Variants in CHSY3 observed in about 807,000 individuals in gnomAD.
CHSY3 encodes N-acetylgalactosaminyl-proteoglycan 3-beta-glucuronosyltransferase 3.
A neutral mutation model predicts 67.2 loss-of-function variants in CHSY3; 35 were observed. The observed-to-expected ratio is 0.52, with a 90% CI of 0.40 to 0.69. CHSY3 has a LOEUF of 0.69. Among genes scored for constraint, CHSY3 ranks in the 30% least tolerant of loss-of-function variants. The pLI is 0.00. For synonymous variants in CHSY3, 474 were observed against 434.7 expected (o/e 1.09, Z -1.12); for missense variants, 1,069 against 1,138.5 (o/e 0.94, Z 0.88).
At chr5:129,995,755 A>G (rs10066578) in intron 2 of CHSY3, among the ~76,000 whole-genome samples, 77,868 of 151,698 alleles carry the variant, frequency 0.51, 20,665 homozygotes, top group Non-Finnish European at 0.59. Context: ...TCTGGTTCCA[A>G]ACCATCTGTA....
intron 2 of CHSY3, among the ~76,000 whole-genome samples, chr5:130,146,835 C>T (rs981905607): frequency 1.3e-5 from 2 of 151,690 alleles, no homozygotes; most frequent in African/African-American, 4.8e-5. Context: ...TTCTTTTTGC[C>T]CAGGCTGGAG....
At chr5:130,126,749 T>C (rs1768304599) in intron 2 of CHSY3, among the ~76,000 whole-genome samples, 1 of 152,238 alleles carries the variant, frequency 6.6e-6, no homozygotes, top group South Asian at 2.1e-4. Flanking sequence ...GTAGCATGAC[T>C]ATATAATATC....
intron 2 of CHSY3, among the ~76,000 whole-genome samples, chr5:130,119,927 T>C (rs960238245): frequency 6.6e-6 from 1 of 152,174 alleles, no homozygotes; most frequent in Non-Finnish European, 1.5e-5. Flanking sequence ...ATTTATTTCA[T>C]TCGCTAAAAA....
chr5:130,016,946 A>G (rs1271030800), intron 2 of CHSY3, among the ~76,000 whole-genome samples: 2 of 152,100 alleles, frequency 1.3e-5, no homozygotes, highest in African/African-American at 4.8e-5. Flanking sequence ...CATTAGGAAA[A>G]TGGGTCTTGA....
Position 130,031,112 on chromosome 5 carries a change from ATAAG to A in CHSY3, c.1086+122756_1086+122759del, listed in dbSNP as rs1437036291. Among the ~76,000 whole-genome samples, 17 of 151,484 alleles carry A rather than the reference ATAAG, an allele frequency of 1.1e-4. No homozygotes were observed. In the East Asian group the frequency reaches 1.4e-3, roughly 12 times the overall value. On this transcript the variant is annotated intron_variant, in intron 2 of 2. Coordinates refer to ENST00000305031, the MANE Select transcript of CHSY3 (RefSeq NM_175856.5). ...TCCGAGTGGTATGAAAAATAAATAA[ATAAG>A]TAAATAAATAAAACAAAATGGAATT...
At position 130,137,170 on chromosome 5, in the gene CHSY3, T is replaced by C. The variant is rs141370258; in HGVS notation, c.1087-47059T>C. ...AATAGGGATGAAAGAAAATTAGATTTCCTAGATGTTTTGTAGGTTCTGTTT... is the reference window on the plus strand; with the variant it reads ...AATAGGGATGAAAGAAAATTAGATTCCCTAGATGTTTTGTAGGTTCTGTTT... On this transcript the variant is annotated intron_variant, in intron 2 of 2. Transcript: ENST00000305031. Among the ~76,000 whole-genome samples the C allele has an allele frequency of 9.3e-3, 1,415 of 152,334 alleles. 27 individuals carry two copies. Among genetic ancestry groups the C allele is most frequent in the African/African-American group, 0.033 (1,353 of 41,572 alleles).
chr5:129,998,808 C>A lies in CHSY3; in HGVS notation c.1086+90448C>A, dbSNP rs139044643. On this transcript the variant is annotated intron_variant, in intron 2 of 2. Coordinates refer to ENST00000305031, the MANE Select transcript of CHSY3 (RefSeq NM_175856.5). ...ATTTGTAGGAATATCTCATTCAGTA[C>A]AGAAATTTGCTCTCTTTGTGCCATA... Among the ~76,000 whole-genome samples the A allele has an allele frequency of 1.2e-3, 187 of 152,064 alleles. 3 individuals carry two copies. Among genetic ancestry groups the A allele is most frequent in the Middle Eastern group, 6.8e-3 (2 of 294 alleles).
At chr5:130,132,609 A>G (rs1768519936) in intron 2 of CHSY3, among the ~76,000 whole-genome samples, 2 of 152,186 alleles carry the variant, frequency 1.3e-5, no homozygotes, top group Admixed American at 6.6e-5. Context: ...TGTTTTAGCA[A>G]CTGGATCTGA....
At chr5:130,125,007 A>G (rs1172697596) in intron 2 of CHSY3, among the ~76,000 whole-genome samples, 1 of 152,186 alleles carries the variant, frequency 6.6e-6, no homozygotes, top group African/African-American at 2.4e-5. Context: ...TTGGCCGGGT[A>G]TGATGGCTCA....
In CHSY3 at chr5:130,184,321, T is replaced by C. The variant is rs770373198; in HGVS notation, c.1179T>C (p.Leu393=). 1 of 1,614,016 alleles carries C rather than the reference T, an allele frequency of 6.2e-7. No homozygotes were observed. Residue 393 remains leucine (L), a synonymous_variant, in exon 3 of 3, where the codon CTT becomes CTC. Transcript: ENST00000305031. ...HNSKIHAAIT[L]HPNKRPAYQY... ...GCAAAATCCATGCAGCCATAACACT[T>C]CATCCCAACAAAAGGCCTGCATACC...
intron 2 of CHSY3, among the ~76,000 whole-genome samples, chr5:130,003,030 C>G (rs1402143396): frequency 6.6e-6 from 1 of 152,194 alleles, no homozygotes; most frequent in Non-Finnish European, 1.5e-5. Flanking sequence ...GTTATCAGGA[C>G]TTCTCAGATG....
intron 2 of CHSY3, among the ~76,000 whole-genome samples, chr5:130,018,953 G>A (rs1028468451): frequency 1.3e-5 from 2 of 152,028 alleles, no homozygotes; most frequent in Admixed American, 6.6e-5. Context: ...ATGTGTGCCC[G>A]CTTCCCCTCG....
intron 2 of CHSY3, among the ~76,000 whole-genome samples, chr5:130,050,250 C>G (rs1765293974): frequency 6.6e-6 from 1 of 152,060 alleles, no homozygotes; most frequent in Admixed American, 6.6e-5. Flanking sequence ...TCTTCTATCT[C>G]ACGTTAAAAG....
At chr5:130,042,830 C>G (rs2431193) in intron 2 of CHSY3, among the ~76,000 whole-genome samples, 78,786 of 151,736 alleles carry the variant, frequency 0.52, 21,170 homozygotes, top group East Asian at 0.67. Flanking sequence ...GCTTGTTATC[C>G]TGGTACGTAT....
intron 2 of CHSY3, among the ~76,000 whole-genome samples, chr5:130,143,730 GTGTGTATATATATATA>G (rs1477880349): frequency 9.6e-6 from 1 of 104,546 alleles, no homozygotes; most frequent in Admixed American, 1.0e-4. Context: ...ATGTGTGTGT[GTGTGTATATATATATA>G]TATATATATA....
intron 2 of CHSY3, chr5:130,140,596 A>G (rs1768830675): frequency 2.2e-6 from 1 of 459,330 alleles, no homozygotes; most frequent in Non-Finnish European, 3.8e-6. Context: ...GAGCTGAAAG[A>G]AACATGCTGA....
chr5:130,033,790 G>C (rs115148464), intron 2 of CHSY3, among the ~76,000 whole-genome samples: 3,281 of 152,000 alleles, frequency 0.022, 113 homozygotes, highest in African/African-American at 0.073. Flanking sequence ...AAAACTTTTG[G>C]CTTAATAAAA....
intron 2 of CHSY3, among the ~76,000 whole-genome samples, chr5:129,952,926 A>C (rs1561470143): frequency 6.6e-6 from 1 of 152,190 alleles, no homozygotes; most frequent in Non-Finnish European, 1.5e-5. Context: ...CTTTTATTTG[A>C]GACTTCAGTA....
At position 130,185,974 on chromosome 5, in the gene CHSY3, T is replaced by A; in HGVS notation, c.*183T>A. On this transcript the variant is annotated 3_prime_UTR_variant, in exon 3 of 3. Transcript: ENST00000305031. ...GTTTGTTGACCTCAAGCAAGAAGAG[T>A]CTGCAGTTCACTGATGTTTCAGATT... is the stretch of plus-strand genomic sequence containing the variant. 1 of 349,826 alleles carries A rather than the reference T, an allele frequency of 2.9e-6. No homozygotes were observed. The highest frequency in any genetic ancestry group is 5.0e-6 in the Non-Finnish European group (1 of 199,324). The allele number at this position is 349,826 out of a possible 1,614,324, so 21.7% of individuals were successfully genotyped here. A position where few individuals can be genotyped will look rare whatever the true frequency, so the allele number is the denominator to read the frequency against.
Sources: allele counts gnomAD v4.1 joint callset (sites outside exome capture counted in the v4.1 genomes callset), GRCh38; gene constraint gnomAD v4.1.1; transcripts MANE v1.5; gene names NCBI Gene and HGNC (gene_info 2026-07-23, HGNC 2026-07-21).